The following MAP3K13 variants were observed in gnomAD, a reference collection of about 807,000 sequenced individuals.
The protein encoded by MAP3K13 is mitogen-activated protein kinase kinase kinase 13.
Under a neutral mutation model 104.0 loss-of-function variants are expected in MAP3K13, and 52 were observed. The observed-to-expected ratio is 0.50, with a 90% confidence interval of 0.40 to 0.63. MAP3K13 has a LOEUF of 0.63. Among genes scored for constraint, MAP3K13 ranks in the 20% least tolerant of loss-of-function variants. The pLI is 0.00. For missense variants in MAP3K13, 914 were observed against 1,218.5 expected (o/e 0.75, Z 3.72); for synonymous variants, 394 against 442.2 (o/e 0.89, Z 1.37).
At chr3:185,454,603 A>ATATATATGATATATAGATATATAT in intron 7 of MAP3K13, among the ~76,000 whole-genome samples, 1 of 48,024 alleles carries the variant, frequency 2.1e-5, no homozygotes, top group South Asian at 7.7e-4. Context: ...GATATATATG[A>ATATATATGATATATAGATATATAT]GATATATATG....
chr3:185,348,074 G>A (rs1182609121), intron 2 of MAP3K13, among the ~76,000 whole-genome samples: 3 of 151,720 alleles, frequency 2.0e-5, no homozygotes, highest in East Asian at 1.9e-4. Flanking sequence ...TGAAATTGGC[G>A]ACTATTTTAT....
In MAP3K13 at chr3:185,291,815, C is replaced by T. The variant is rs898324003; in HGVS notation, c.-86+6172C>T. On this transcript the variant is annotated intron_variant, in intron 2 of 14. Transcript: ENST00000424227. Reference sequence around the variant, plus strand: ...AATACATTCCATTTTATATCCCTTCCTCTGACTTCTCTTCAATTTCCTTGG... The same window carrying T: ...AATACATTCCATTTTATATCCCTTCTTCTGACTTCTCTTCAATTTCCTTGG... 4 of 1,306,698 alleles carry T rather than the reference C, an allele frequency of 3.1e-6. No homozygotes were observed. In the African/African-American group the frequency reaches 6.1e-5, roughly 20 times the overall value. The allele number at this position is 1,306,698 out of a possible 1,614,324, so 80.9% of individuals were successfully genotyped here.
rs1714255361 is a variant in MAP3K13, at chr3:185,423,603, C to T, written c.-85-4894C>T. On this transcript the variant is annotated intron_variant, in intron 1 of 13. Coordinates refer to ENST00000265026, the MANE Select transcript of MAP3K13 (RefSeq NM_004721.5). This position sits in a 1 kb window ranked among gnomAD's most constrained non-coding sequence, Gnocchi z 4.1. Reference sequence around the variant, plus strand: ...AGGGCTCCAGTTTTTCTTCTTTCTTCCCCCTGCCCCAACCTTATATTCCCA... The same window carrying T: ...AGGGCTCCAGTTTTTCTTCTTTCTTTCCCCTGCCCCAACCTTATATTCCCA... 6.6e-6 allele frequency among the ~76,000 whole-genome samples: 1 copy of T among 152,152 alleles called. No individual in the cohort carries two copies. Among genetic ancestry groups the T allele is most frequent in the Non-Finnish European group, 1.5e-5 (1 of 68,004 alleles).
intron 1 of MAP3K13, among the ~76,000 whole-genome samples, chr3:185,416,395 T>A (rs2108791110): frequency 6.6e-6 from 1 of 152,090 alleles, no homozygotes; most frequent in South Asian, 2.1e-4. Flanking sequence ...ATGTGTTTTT[T>A]TATATATACT....
chr3:185,302,552 C>T (rs1381329710), intron 2 of MAP3K13, among the ~76,000 whole-genome samples: 4 of 151,962 alleles, frequency 2.6e-5, no homozygotes, highest in Non-Finnish European at 5.9e-5. Context: ...CTTTTCCCTC[C>T]TTCTTTACAT....
At chr3:185,343,590 C>T (rs539886498) in intron 2 of MAP3K13, among the ~76,000 whole-genome samples, 12 of 152,144 alleles carry the variant, frequency 7.9e-5, no homozygotes, top group African/African-American at 2.4e-4. Context: ...ATAGCTGGGA[C>T]TACAGGCACG....
At chr3:185,283,898 CTTTTT>C (rs1201384582) in intron 1 of MAP3K13, among the ~76,000 whole-genome samples, 3 of 127,408 alleles carry the variant, frequency 2.4e-5, no homozygotes, top group African/African-American at 9.0e-5. Flanking sequence ...TTCTTTCTTT[CTTTTT>C]TTTTTTTTTT....
At chr3:185,441,223 T>A (rs955374366) in intron 3 of MAP3K13, among the ~76,000 whole-genome samples, 6 of 152,282 alleles carry the variant, frequency 3.9e-5, no homozygotes, top group Middle Eastern at 3.4e-3. Context: ...TTGGGGCAGA[T>A]TAAATAAGAC....
chr3:185,473,594 C>T lies in MAP3K13; in HGVS notation c.2263C>T (p.Pro755Ser). ...CTCTGCTGAGCCAGTGGGGAGGAGC[C>T]CTGACCTTTCCAAGTCACCAGCACA... ...IPSAEPVGRS[P>S]DLSKSPAHNP... The change falls in exon 11 of 14, where the codon CCT becomes TCT. Residue 755 changes from proline (P) to serine (S), a missense_variant. Physicochemically the swap from Pro to Ser is moderately conservative, Grantham distance 74. Transcript: ENST00000265026. The surrounding 1 kb of genome is among the most constrained non-coding windows in gnomAD (Gnocchi z 4.9). The T allele has an allele frequency of 2.5e-6, 4 of 1,614,160 alleles. No individual in the cohort carries two copies. The highest frequency in any genetic ancestry group is 3.4e-6 in the Non-Finnish European group (4 of 1,180,032).
Position 185,480,429 on chromosome 3 carries a change from C to A in MAP3K13, c.2699C>A (p.Ser900Tyr). ...SQTPEIPIDI[S>Y]SHSDGLSDKE... The stretch of plus-strand genomic sequence containing the variant: ...ACGCCAGAGATTCCCATTGACATAT[C>A]CTCACACTCGGATGGGCTCTCTGAC... The change falls in exon 13 of 14, where the codon TCC becomes TAC. Residue 900 changes from serine to tyrosine, a missense_variant. This residue lies in a region of MAP3K13 where 583 missense variants were observed against 737.4 expected (regional missense o/e 0.79). Transcript: ENST00000265026. 1 of 1,614,202 alleles carries A rather than the reference C, an allele frequency of 6.2e-7. No individual in the cohort carries two copies. Among genetic ancestry groups the A allele is most frequent in the Non-Finnish European group, 8.5e-7 (1 of 1,180,036 alleles).
intron 2 of MAP3K13, among the ~76,000 whole-genome samples, chr3:185,357,447 T>TAAAA (rs71162295): frequency 1.1e-5 from 1 of 91,394 alleles, no homozygotes; most frequent in Non-Finnish European, 2.2e-5. Flanking sequence ...AAACTCCATC[T>TAAAA]AAAAAAAAAA....
intron 2 of MAP3K13, among the ~76,000 whole-genome samples, chr3:185,337,389 C>T (rs554311485): frequency 6.6e-6 from 1 of 152,368 alleles, no homozygotes; most frequent in East Asian, 1.9e-4. Context: ...GCAGCCTTTT[C>T]TCTAATTTTC....
chr3:185,411,909 C>T (rs1415788457), intron 1 of MAP3K13, among the ~76,000 whole-genome samples: 1 of 151,574 alleles, frequency 6.6e-6, no homozygotes, highest in East Asian at 1.9e-4. Flanking sequence ...CTCAGCCTCC[C>T]GAGTAGCTGG....
chr3:185,381,681 C>T (rs994800850), intron 1 of MAP3K13, among the ~76,000 whole-genome samples: 1 of 152,178 alleles, frequency 6.6e-6, no homozygotes, highest in Non-Finnish European at 1.5e-5. Context: ...GTCTAGTGTT[C>T]CTGAGCCCAA....
chr3:185,454,465 T>G lies in MAP3K13; in HGVS notation c.1278+3070T>G, dbSNP rs184228280. Among the ~76,000 whole-genome samples the G allele has an allele frequency of 2.3e-4, 19 of 83,588 alleles. No individual in the cohort carries two copies. In the East Asian group the frequency reaches 3.3e-3, roughly 14 times the overall value. 54.8% of individuals were successfully genotyped at this position (83,588 alleles called of 152,430 possible). On this transcript the variant is annotated intron_variant, in intron 7 of 13. Coordinates refer to ENST00000265026, the MANE Select transcript of MAP3K13 (RefSeq NM_004721.5). ...AGATATATATATGAGATATATATGA[T>G]ATATATATGAGATATATATGATATA...
Position 185,443,433 on chromosome 3 carries a change from T to G in MAP3K13, c.660-12T>G. On this transcript the variant is annotated splice_polypyrimidine_tract_variant and intron_variant, in intron 3 of 13. Coordinates refer to ENST00000265026, the MANE Select transcript of MAP3K13 (RefSeq NM_004721.5). ...GTGTGTATTGATGTACATGTTTATG[T>G]TTTCTTGGAAGGGGTGTTTGTACTC... 6.3e-7 allele frequency: 1 copy of G among 1,598,282 alleles called. No individual in the cohort carries two copies.
At position 185,427,414 on chromosome 3, in the gene MAP3K13, G is replaced by A. The variant is rs138192387; in HGVS notation, c.-85-1083G>A. 2.8e-3 allele frequency among the ~76,000 whole-genome samples: 427 copies of A among 152,148 alleles called. 1 individual carries two copies. The highest frequency in any genetic ancestry group is 9.9e-3 in the African/African-American group (413 of 41,516). On this transcript the variant is annotated intron_variant, in intron 1 of 13. Transcript: ENST00000265026. ...TGAATAAATTTAAGATTGACTATGC[G>A]TGATCTGGCCAATCTAGAACAAATC...
At chr3:185,363,531 G>C (rs1436725960) in intron 1 of MAP3K13, among the ~76,000 whole-genome samples, 163 bp downstream of exon 1, 2 of 152,146 alleles carry the variant, frequency 1.3e-5, no homozygotes, top group Non-Finnish European at 2.9e-5. Flanking sequence ...CCCCGTTACA[G>C]CTAGGAGCCT....
chr3:185,304,923 C>T (rs1268848072), intron 2 of MAP3K13, among the ~76,000 whole-genome samples: 1 of 58,020 alleles, frequency 1.7e-5, no homozygotes, highest in East Asian at 5.1e-4. Flanking sequence ...TGAGCCACCG[C>T]ACCCGGCCAC....
Sources: allele counts gnomAD v4.1 joint callset (sites outside exome capture counted in the v4.1 genomes callset), GRCh38; gene constraint gnomAD v4.1.1; regional missense constraint gnomAD v4.1.1; non-coding constraint Gnocchi (gnomAD v3.1); transcripts MANE v1.5; gene names NCBI Gene and HGNC (gene_info 2026-07-23, HGNC 2026-07-21).